The following MAP3K9 variants were observed in gnomAD, a reference collection of about 807,000 sequenced individuals.
MAP3K9 encodes mixed lineage kinase 1 (tyr and ser/thr specificity).
In MAP3K9, 46 loss-of-function variants were observed where a neutral mutation model predicts 95.8. The ratio of observed to expected loss-of-function variants is 0.48; its 90% CI spans 0.38 to 0.61. The LOEUF (loss-of-function observed/expected upper bound fraction) is 0.61, where lower values mean the gene tolerates loss of function less well. Ranked by LOEUF, MAP3K9 falls within the 20% of genes least tolerant of loss-of-function variation. The pLI, the probability that MAP3K9 is intolerant of heterozygous loss-of-function variation, is 0.00. For synonymous variants in MAP3K9, 533 were observed against 593.8 expected (o/e 0.90, Z 1.49); for missense variants, 1,296 against 1,474.3 (o/e 0.88, Z 1.98).
At position 70,756,271 on chromosome 14, in the gene MAP3K9, G is replaced by A. The variant is rs116898555; in HGVS notation, c.1001+4731C>T. On this transcript the variant is annotated intron_variant, in intron 3 of 11. Transcript: ENST00000554752. Reference sequence around the variant, plus strand: ...TACATGACACAACTCTGTCCAAATCGTCACCAGCAGAAACCTCTGGAGTGT... The same window carrying A: ...TACATGACACAACTCTGTCCAAATCATCACCAGCAGAAACCTCTGGAGTGT... Among the ~76,000 whole-genome samples, 1,266 of 152,262 alleles carry A rather than the reference G, an allele frequency of 8.3e-3. 6 individuals are homozygous for A. The highest frequency in any genetic ancestry group is 0.013 in the Non-Finnish European group (879 of 68,016).
chr14:70,788,230 A>T (rs1473331397), intron 2 of MAP3K9, among the ~76,000 whole-genome samples: 3 of 152,206 alleles, frequency 2.0e-5, no homozygotes, highest in Admixed American at 2.0e-4. Context: ...AAAGAATATG[A>T]CTAAAACAAT....
At chr14:70,778,822 T>C (rs2139820665) in intron 2 of MAP3K9, among the ~76,000 whole-genome samples, 1 of 152,234 alleles carries the variant, frequency 6.6e-6, no homozygotes, top group Admixed American at 6.5e-5. Flanking sequence ...AGCCAGAAAG[T>C]GGTAAAGTGG....
In MAP3K9 at chr14:70,740,954, G is replaced by A. The variant is rs759544521; in HGVS notation, c.1568-790C>T. ...AAGGAAAAACAAATGTGCAGCAAGG[G>A]GACCAGCAAACACGGCTCATAAACA... On this transcript the variant is annotated intron_variant, in intron 6 of 11. Coordinates refer to ENST00000554752, the MANE Select transcript of MAP3K9 (RefSeq NM_001284230.2). Among the ~76,000 whole-genome samples, 69 of 152,162 alleles carry A rather than the reference G, an allele frequency of 4.5e-4. 3 individuals are homozygous for A. Among genetic ancestry groups the A allele is most frequent in the Non-Finnish European group, 1.3e-4 (9 of 68,026 alleles).
chr14:70,792,637 C>CCTGAGCCTTAG (rs2139845402), intron 2 of MAP3K9, among the ~76,000 whole-genome samples: 1 of 152,320 alleles, frequency 6.6e-6, no homozygotes, highest in East Asian at 1.9e-4. Context: ...GACCAGGGTG[C>CCTGAGCCTTAG]CTGAGCCTTA....
chr14:70,809,255 G>A lies in MAP3K9; in HGVS notation c.-84C>T, dbSNP rs1288603941. ...ATTGTTCATGCGCCTCCGCAGAGCT[G>A]GGAGGACCCCCCCCCAACGACGGCG... On this transcript the variant is annotated 5_prime_UTR_variant, in exon 1 of 12. Transcript: ENST00000554752. The A allele has an allele frequency of 8.0e-7, 1 of 1,257,322 alleles. No homozygotes were observed. Among genetic ancestry groups the A allele is most frequent in the Non-Finnish European group, 1.0e-6 (1 of 1,004,698 alleles). 77.9% of individuals were successfully genotyped at this position (1,257,322 alleles called of 1,614,324 possible).
chr14:70,789,709 T>C (rs147588437), intron 2 of MAP3K9, among the ~76,000 whole-genome samples: 2 of 152,332 alleles, frequency 1.3e-5, no homozygotes, highest in Admixed American at 1.3e-4. Flanking sequence ...GAAAATGTTT[T>C]CTTCTCAGAT....
intron 4 of MAP3K9, 107 bp downstream of exon 4, chr14:70,749,826 C>T (rs1262248481): frequency 1.4e-6 from 2 of 1,379,502 alleles, no homozygotes; most frequent in Non-Finnish European, 2.0e-6. Context: ...GTGACTGAAA[C>T]TTTATCTCCT....
At chr14:70,777,814 T>C (rs150131765) in intron 2 of MAP3K9, among the ~76,000 whole-genome samples, 43 of 152,320 alleles carry the variant, frequency 2.8e-4, no homozygotes, top group African/African-American at 1.0e-3. Context: ...CTAAAGCCTC[T>C]AAGACATAAC....
In MAP3K9 at chr14:70,808,117, C is replaced by T. The variant is rs938509854; in HGVS notation, c.406+649G>A. Among the ~76,000 whole-genome samples the T allele has an allele frequency of 4.6e-5, 7 of 152,234 alleles. No homozygotes were observed. In the East Asian group the frequency reaches 1.3e-3, roughly 29 times the overall value. ...TCTCTAATCATCACTTGTCTCACCC[C>T]CACTCTCAACACACACATCCCTCTT... On this transcript the variant is annotated intron_variant, in intron 1 of 11. Coordinates refer to ENST00000554752, the MANE Select transcript of MAP3K9 (RefSeq NM_001284230.2).
intron 2 of MAP3K9, among the ~76,000 whole-genome samples, chr14:70,784,662 G>A (rs943062096): frequency 2.0e-5 from 3 of 152,084 alleles, no homozygotes; most frequent in South Asian, 2.1e-4. Context: ...AGAACTGCTC[G>A]AACCCGGGAA....
chr14:70,724,016 T>C lies in MAP3K9; in HGVS notation c.*6364A>G, dbSNP rs1389998792. 3 of 152,220 alleles carry C rather than the reference T, an allele frequency of 2.0e-5. No individual in the cohort carries two copies. The highest frequency in any genetic ancestry group is 7.2e-5 in the African/African-American group (3 of 41,462). 9.4% of individuals were successfully genotyped at this position (152,220 alleles called of 1,614,324 possible). ...TGGGCCAAATTCTGAAGACTCACTG[T>C]GCAGGCACAGAGCTAGGGAATGTGG... is the stretch of plus-strand genomic sequence containing the variant. On this transcript the variant is annotated 3_prime_UTR_variant, in exon 12 of 12. Transcript: ENST00000554752.
intron 2 of MAP3K9, among the ~76,000 whole-genome samples, chr14:70,778,571 A>G (rs2054631664): frequency 6.6e-6 from 1 of 152,142 alleles, no homozygotes; most frequent in South Asian, 2.1e-4. Flanking sequence ...CCACTGCACC[A>G]GGCCAAACTT....
intron 2 of MAP3K9, among the ~76,000 whole-genome samples, chr14:70,770,804 C>T (rs1256030855): frequency 6.6e-6 from 1 of 152,144 alleles, no homozygotes; most frequent in Non-Finnish European, 1.5e-5. Flanking sequence ...CCTTCGTCTC[C>T]CTCCTGTGTT....
chr14:70,775,862 T>TA (rs1364680215), intron 2 of MAP3K9, among the ~76,000 whole-genome samples: 1 of 152,224 alleles, frequency 6.6e-6, no homozygotes, highest in Non-Finnish European at 1.5e-5. Context: ...ACTAGGCTTT[T>TA]ATATTTAAAT....
intron 2 of MAP3K9, among the ~76,000 whole-genome samples, chr14:70,768,569 A>C (rs1943924361): frequency 6.6e-6 from 1 of 152,140 alleles, no homozygotes; most frequent in Admixed American, 6.5e-5. Context: ...AAGCTGAATG[A>C]CTTTCTTTGG....
At chr14:70,794,383 T>C (rs2054839247) in intron 2 of MAP3K9, among the ~76,000 whole-genome samples, 1 of 152,234 alleles carries the variant, frequency 6.6e-6, no homozygotes, top group Non-Finnish European at 1.5e-5. Flanking sequence ...AAGTGGATGC[T>C]GTGGCCTTGT....
At chr14:70,784,320 T>TA (rs1194348285) in intron 2 of MAP3K9, among the ~76,000 whole-genome samples, 1 of 151,472 alleles carries the variant, frequency 6.6e-6, no homozygotes, top group South Asian at 2.1e-4. Flanking sequence ...TAAAATAAAA[T>TA]AAAAAACAAA....
intron 2 of MAP3K9, among the ~76,000 whole-genome samples, chr14:70,790,425 G>A (rs556647025): frequency 1.6e-4 from 24 of 152,254 alleles, no homozygotes; most frequent in Admixed American, 8.5e-4. Context: ...CCCTCATTTT[G>A]CAGATGAAGA....
At chr14:70,757,198 G>A (rs753809325) in intron 3 of MAP3K9, among the ~76,000 whole-genome samples, 5 of 152,100 alleles carry the variant, frequency 3.3e-5, no homozygotes, top group Non-Finnish European at 4.4e-5. Flanking sequence ...AGGGCCAGGC[G>A]CAGTGGCTCA....
Sources: allele counts gnomAD v4.1 joint callset (sites outside exome capture counted in the v4.1 genomes callset), GRCh38; gene constraint gnomAD v4.1.1; transcripts MANE v1.5; gene names NCBI Gene and HGNC (gene_info 2026-07-23, HGNC 2026-07-21).